The following PRKACB variants were observed in gnomAD, a reference collection of about 807,000 sequenced individuals.
PRKACB encodes cAMP-dependent protein kinase catalytic subunit beta.
PRKACB carries 16 observed loss-of-function variants against 51.4 expected under a neutral mutation model. The ratio of observed to expected loss-of-function variants is 0.31; its 90% confidence interval spans 0.21 to 0.47. PRKACB has a LOEUF of 0.47. Ranked by LOEUF, PRKACB falls within the 20% of genes least tolerant of loss-of-function variation. PRKACB has a pLI of 1.00. For synonymous variants in PRKACB, 147 were observed against 154.4 expected, an observed-to-expected ratio of 0.95 and a Z score of 0.35; for missense variants, 309 against 464.5, an observed-to-expected ratio of 0.67 and a Z score of 3.08.
intron 1 of PRKACB, among the ~76,000 whole-genome samples, chr1:84,135,246 T>C (rs541969536): frequency 7.9e-4 from 120 of 152,300 alleles, no homozygotes; most frequent in Non-Finnish European, 1.4e-3. Context: ...CCTAAATATA[T>C]GAACTTAACA....
chr1:84,148,873 T>TG (rs1654473331), intron 1 of PRKACB, among the ~76,000 whole-genome samples: 1 of 152,346 alleles, frequency 6.6e-6, no homozygotes, highest in Admixed American at 6.5e-5. Context: ...AGCTTTTACT[T>TG]GCTTGTGCTT....
At chr1:84,231,984 G>T (rs1675763152) in intron 9 of PRKACB, among the ~76,000 whole-genome samples, 1 of 149,840 alleles carries the variant, frequency 6.7e-6, no homozygotes, top group Non-Finnish European at 1.5e-5. Context: ...GTTTGCTCTT[G>T]CTTTTCTAGT....
intron 1 of PRKACB, among the ~76,000 whole-genome samples, chr1:84,115,743 G>A (rs1463217730): frequency 6.6e-6 from 1 of 151,812 alleles, no homozygotes; most frequent in Non-Finnish European, 1.5e-5. Context: ...TTAGCTGGGC[G>A]TGGTGGTGCA....
intron 9 of PRKACB, among the ~76,000 whole-genome samples, chr1:84,232,602 T>C (rs1304634465): frequency 1.3e-5 from 2 of 152,208 alleles, no homozygotes. Context: ...GCTCCTGTAT[T>C]GGGTGCATAT....
intron 1 of PRKACB, among the ~76,000 whole-genome samples, chr1:84,105,220 T>A (rs1267308013): frequency 6.6e-6 from 1 of 152,188 alleles, no homozygotes; most frequent in Non-Finnish European, 1.5e-5. Flanking sequence ...TTGGAAGTCT[T>A]CTTTCTTGAC....
rs1676676506 is a variant in PRKACB at position 84,236,537 on chromosome 1, G to A, written c.*1232G>A. ...GCCACAATTGTATTTTAATTTTGAG[G>A]TATGATATTTTCAGATATTTCATAA... On this transcript the variant is annotated 3_prime_UTR_variant, in exon 10 of 10. Coordinates refer to ENST00000370685, the MANE Select transcript of PRKACB (RefSeq NM_182948.4). 6.6e-6 allele frequency: 1 copy of A among 152,554 alleles called. No homozygotes were observed. Among genetic ancestry groups the A allele is most frequent in the South Asian group, 2.1e-4 (1 of 4,828 alleles). The allele number at this position is 152,554 out of a possible 1,614,324, so 9.5% of individuals were successfully genotyped here. A position where few individuals can be genotyped will look rare whatever the true frequency, so the allele number is the denominator to read the frequency against.
At chr1:84,212,280 T>C (rs1331472242) in intron 8 of PRKACB, among the ~76,000 whole-genome samples, 1 of 150,272 alleles carries the variant, frequency 6.7e-6, no homozygotes, top group African/African-American at 2.5e-5. Context: ...GGAATCTACA[T>C]TTTTATCCTT....
At position 84,235,214 on chromosome 1, in the gene PRKACB, C is replaced by G; in HGVS notation, c.1106C>G (p.Ser369Cys). 1.2e-6 allele frequency: 2 copies of G among 1,614,006 alleles called. No homozygotes were observed. The highest frequency in any genetic ancestry group is 2.2e-5 in the East Asian group (1 of 44,884). ...EAPFIPKFRGSGDTSNFDDYE... is the reference protein window; with the variant it reads ...EAPFIPKFRGCGDTSNFDDYE... The stretch of plus-strand genomic sequence containing the variant: ...CCATTCATACCAAAGTTTAGAGGCT[C>G]TGGAGATACCAGCAACTTTGATGAC... The change falls in exon 10 of 10, where the codon TCT becomes TGT. Residue 369 changes from serine to cysteine, a missense_variant. Around this residue, in one of 3 missense-constraint regions of PRKACB, gnomAD observed 96 missense variants for 129.9 expected, o/e 0.74. Coordinates refer to ENST00000370685, the MANE Select transcript of PRKACB (RefSeq NM_182948.4).
intron 5 of PRKACB, among the ~76,000 whole-genome samples, chr1:84,190,323 A>C (rs1194398812): frequency 6.6e-6 from 1 of 151,944 alleles, no homozygotes; most frequent in African/African-American, 2.4e-5. Flanking sequence ...ATTACATGAG[A>C]CATTGATTTA....
intron 1 of PRKACB, among the ~76,000 whole-genome samples, chr1:84,134,858 T>C (rs1292018939): frequency 1.3e-5 from 2 of 152,228 alleles, no homozygotes; most frequent in African/African-American, 4.8e-5. Flanking sequence ...ATGGCAGTTA[T>C]TCATTTTCCT....
intron 5 of PRKACB, among the ~76,000 whole-genome samples, chr1:84,186,280 A>G (rs1665083236): frequency 6.6e-6 from 1 of 151,810 alleles, no homozygotes; most frequent in South Asian, 2.1e-4. Context: ...GTACAGCGGC[A>G]CCATTTCGAC....
At chr1:84,079,602 C>T (rs559597642) in intron 1 of PRKACB, among the ~76,000 whole-genome samples, 1 of 152,032 alleles carries the variant, frequency 6.6e-6, no homozygotes. Flanking sequence ...TTATATAAGC[C>T]AAGAACACAC....
intron 9 of PRKACB, among the ~76,000 whole-genome samples, chr1:84,229,248 G>A (rs370104548): frequency 0.015 from 1,850 of 125,106 alleles, 11 homozygotes; most frequent in African/African-American, 0.06. Flanking sequence ...ATGTCCCTAC[G>A]AAGGACATGA....
intron 1 of PRKACB, among the ~76,000 whole-genome samples, chr1:84,105,912 A>G (rs1283744031): frequency 6.6e-6 from 1 of 152,118 alleles, no homozygotes; most frequent in African/African-American, 2.4e-5. Context: ...GGCTTTCTAT[A>G]TCCACAGATT....
chr1:84,143,065 A>G (rs1048938531), upstream of PRKACB, among the ~76,000 whole-genome samples: 6 of 152,128 alleles, frequency 3.9e-5, no homozygotes, highest in Non-Finnish European at 5.9e-5. Flanking sequence ...GTGTCAAAAA[A>G]ACAAGTACTC....
intron 3 of PRKACB, among the ~76,000 whole-genome samples, chr1:84,182,660 A>G (rs545171233): frequency 1.3e-5 from 2 of 152,158 alleles, no homozygotes; most frequent in South Asian, 2.1e-4. Context: ...AACTATTTAC[A>G]TAGCATTTAC....
intron 1 of PRKACB, among the ~76,000 whole-genome samples, chr1:84,096,895 A>G (rs577328814): frequency 6.6e-6 from 1 of 152,180 alleles, no homozygotes; most frequent in South Asian, 2.1e-4. Flanking sequence ...TTGTCCCTCC[A>G]GAGTCAATAA....
At chr1:84,158,659 A>C (rs1655812644) in intron 1 of PRKACB, among the ~76,000 whole-genome samples, 1 of 152,064 alleles carries the variant, frequency 6.6e-6, no homozygotes, top group Admixed American at 6.6e-5. Flanking sequence ...GAAGAGCAAA[A>C]TTTGTAATTT....
At chr1:84,145,161 A>T (rs1317748637) in intron 1 of PRKACB, among the ~76,000 whole-genome samples, 1 of 152,140 alleles carries the variant, frequency 6.6e-6, no homozygotes, top group African/African-American at 2.4e-5. Flanking sequence ...TTATGCATGA[A>T]TCACATTCTT....
Sources: allele counts gnomAD v4.1 joint callset (sites outside exome capture counted in the v4.1 genomes callset), GRCh38; gene constraint gnomAD v4.1.1; regional missense constraint gnomAD v4.1.1; transcripts MANE v1.5; gene names NCBI Gene and HGNC (gene_info 2026-07-23, HGNC 2026-07-21).